Variants in BCLAF3 observed in about 807,000 individuals in gnomAD.
The protein encoded by BCLAF3 is transient octamer binding factor 1.
BCLAF3 carries 24 observed loss-of-function variants against 51.2 expected under a neutral mutation model. The ratio of observed to expected loss-of-function variants is 0.47; its 90% CI spans 0.34 to 0.66. BCLAF3 has a LOEUF of 0.66. Among genes scored for constraint, BCLAF3 ranks in the 30% least tolerant of loss-of-function variants. The probability of loss-of-function intolerance (pLI) is 0.01; values close to 1 mark genes in which losing one functional copy is unlikely to be tolerated. For missense variants in BCLAF3, 465 were observed against 525.1 expected (o/e 0.89, Z 1.12); for synonymous variants, 152 against 176.6 (o/e 0.86, Z 1.10).
intron 11 of BCLAF3, among the ~76,000 whole-genome samples, chrX:19,921,952 G>A (rs966173303): frequency 8.1e-5 from 9 of 110,749 alleles, no homozygotes; most frequent in African/African-American, 1.3e-4. Flanking sequence ...GCAGTGAGCC[G>A]AGATCATGCC....
Position 19,932,207 on chromosome X carries a change from G to A in BCLAF3, c.1951-2267C>T, listed in dbSNP as rs192397577. Among the ~76,000 whole-genome samples the A allele has an allele frequency of 2.8e-3, 315 of 112,040 alleles. 2 individuals are homozygous for A. The highest frequency in any genetic ancestry group is 3.1e-3 in the Non-Finnish European group (163 of 53,244). Reference sequence around the variant, plus strand: ...CAATTTTCTCAAGTAAAAAGGAAAAGACAACCTAGTTACATGTAAATGTTT... The same window carrying A: ...CAATTTTCTCAAGTAAAAAGGAAAAAACAACCTAGTTACATGTAAATGTTT... On this transcript the variant is annotated intron_variant, in intron 10 of 11. Transcript: ENST00000379682.
Position 19,917,307 on chromosome X carries a change from A to C in BCLAF3, c.2134T>G (p.Ter712GluextTer25). 1 of 1,202,051 alleles carries C rather than the reference A, an allele frequency of 8.3e-7. No homozygotes were observed. Among genetic ancestry groups the C allele is most frequent in the Non-Finnish European group, 1.1e-6 (1 of 887,803 alleles). ...KEYTDVATGI[*>E] ...ATTTCCATTTGTACGATTTCAGATT[A>C]GATTCCTGTGGCAACATCTGTATAT... The change falls in exon 12 of 12, where the codon TAA (stop) becomes GAA (glutamate). Residue 712 changes from the stop codon to glutamate (E), a stop_lost. Coordinates refer to ENST00000379682, the MANE Select transcript of BCLAF3 (RefSeq NM_001367774.2).
At chrX:19,980,781 T>C (rs1303816647) in intron 1 of BCLAF3, among the ~76,000 whole-genome samples, 1 of 108,986 alleles carries the variant, frequency 9.2e-6, no homozygotes, top group East Asian at 2.9e-4. Flanking sequence ...CTACTAAAAA[T>C]ACAAAAAATT....
intron 7 of BCLAF3, 58 bp from the exon 8 acceptor site, chrX:19,950,926 A>G: frequency 1.3e-6 from 1 of 791,131 alleles, no homozygotes; most frequent in Non-Finnish European, 1.9e-6. Flanking sequence ...CACAAAGACC[A>G]TATCTAACAA....
intron 1 of BCLAF3, among the ~76,000 whole-genome samples, chrX:19,980,275 T>G (rs1386959866): frequency 3.6e-5 from 4 of 111,734 alleles, no homozygotes; most frequent in Admixed American, 2.9e-4. Context: ...ATAAATAACT[T>G]AAAAGTCCAA....
At chrX:19,969,507 T>C (rs1346209610) in intron 2 of BCLAF3, among the ~76,000 whole-genome samples, 1 of 112,384 alleles carries the variant, frequency 8.9e-6, no homozygotes, top group Non-Finnish European at 1.9e-5. Context: ...AAAATTGTTT[T>C]CATCTCTTCT....
intron 11 of BCLAF3, among the ~76,000 whole-genome samples, chrX:19,926,198 T>A (rs1207565177): frequency 9.1e-6 from 1 of 110,406 alleles, no homozygotes; most frequent in East Asian, 2.8e-4. Context: ...GACACTAATT[T>A]AAAAAAAAAT....
At chrX:19,975,493 G>A (rs776324898) in intron 1 of BCLAF3, among the ~76,000 whole-genome samples, 18 of 110,335 alleles carry the variant, frequency 1.6e-4, no homozygotes, top group Non-Finnish European at 2.5e-4. Context: ...ACAGGTGTGC[G>A]CCACCACACC....
chrX:19,977,624 A>G (rs776197687), intron 1 of BCLAF3, among the ~76,000 whole-genome samples: 30 of 112,749 alleles, frequency 2.7e-4, no homozygotes, highest in African/African-American at 9.3e-4. Context: ...CATAACATAA[A>G]AGGGCAAAGT....
chrX:19,965,582 G>A lies in BCLAF3; in HGVS notation c.736C>T (p.Pro246Ser). The change falls in exon 4 of 12, where the codon CCT becomes TCT. Residue 246 changes from proline (P) to serine (S), a missense_variant. Physicochemically the swap from Pro to Ser is moderately conservative, Grantham distance 74. Coordinates refer to ENST00000379682, the MANE Select transcript of BCLAF3 (RefSeq NM_001367774.2). ...CACTGGTCTGTGTCCTCTTGGTAAGGTGGGAGGGAATGCTCAGGCTTCCAC... is the reference window on the plus strand; with the variant it reads ...CACTGGTCTGTGTCCTCTTGGTAAGATGGGAGGGAATGCTCAGGCTTCCAC... ...PKWKPEHSLP[P>S]YQEDTDQWNL... 1 of 1,191,916 alleles carries A rather than the reference G, an allele frequency of 8.4e-7. No homozygotes were observed. The highest frequency in any genetic ancestry group is 1.9e-5 in the South Asian group (1 of 53,075).
chrX:19,922,652 C>A (rs1280088747), intron 11 of BCLAF3, among the ~76,000 whole-genome samples: 1 of 111,497 alleles, frequency 9.0e-6, no homozygotes, highest in Non-Finnish European at 1.9e-5. Flanking sequence ...AATCCCAGCA[C>A]TTTGGGAGGC....
At position 19,912,895 on chromosome X, in the gene BCLAF3, TACA is replaced by T. The variant is rs775776954; in HGVS notation, c.*4407_*4409del. The T allele has an allele frequency of 9.0e-6, 1 of 111,147 alleles. No homozygotes were observed. The highest frequency in any genetic ancestry group is 9.6e-5 in the Admixed American group (1 of 10,393). 9.2% of individuals were successfully genotyped at this position (111,147 alleles called of 1,213,427 possible). ...GAAAGACTTTATTTTATAAAAATGA[TACA>T]ACATTCATTATATTTGATAGATACA... On this transcript the variant is annotated 3_prime_UTR_variant, in exon 12 of 12. Transcript: ENST00000379682.
At chrX:19,951,407 C>A (rs981957893) in intron 7 of BCLAF3, among the ~76,000 whole-genome samples, 30 of 103,659 alleles carry the variant, frequency 2.9e-4, no homozygotes, top group African/African-American at 1.1e-3. Flanking sequence ...ACCAGCCTGG[C>A]CAACATAGTA....
At position 19,966,495 on chromosome X, in the gene BCLAF3, G is replaced by A. The variant is rs772915174; in HGVS notation, c.196C>T (p.Arg66Cys). The change falls in exon 3 of 12, where the codon CGT (arginine) becomes TGT (cysteine). Residue 66 changes from arginine (R) to cysteine (C), a missense_variant. By Grantham distance (180) the Arg-to-Cys change is radical. Transcript: ENST00000379682. ...TAAGACTGGTAATATATATTTCCAC[G>A]AGAGGGAATCCTTGGTTTACTCTGT... ...HGQSKPRIPS[R>C]GNIYYQSYEH... The A allele has an allele frequency of 1.8e-5, 22 of 1,208,988 alleles. No homozygotes were observed. The highest frequency in any genetic ancestry group is 1.8e-5 in the South Asian group (1 of 56,798).
intron 1 of BCLAF3, among the ~76,000 whole-genome samples, chrX:19,983,512 A>T (rs927237220): frequency 5.7e-5 from 6 of 105,100 alleles, no homozygotes; most frequent in African/African-American, 2.1e-4. Context: ...AGGTCAGAAG[A>T]CAAGGCCGGC....
rs929345802 is a variant in BCLAF3, at chrX:19,915,331, G to A, written c.*1974C>T. 5 of 111,604 alleles carry A rather than the reference G, an allele frequency of 4.5e-5. No homozygotes were observed. Among genetic ancestry groups the A allele is most frequent in the Non-Finnish European group, 9.4e-5 (5 of 53,102 alleles). The allele number at this position is 111,604 out of a possible 1,213,427, so 9.2% of individuals were successfully genotyped here. A position where few individuals can be genotyped will look rare whatever the true frequency, so the allele number is the denominator to read the frequency against. On this transcript the variant is annotated 3_prime_UTR_variant, in exon 12 of 12. Transcript: ENST00000379682. ...GTCAAATAGGAAGCTGGGTGCTGGG[G>A]ATACTATGGTGGACAAGACAGACAC...
chrX:19,921,474 C>G (rs2070155171), intron 11 of BCLAF3, among the ~76,000 whole-genome samples: 2 of 112,179 alleles, frequency 1.8e-5, no homozygotes, highest in African/African-American at 6.5e-5. Context: ...GAGGCCAAGG[C>G]AGGCAGATCA....
At chrX:19,936,371 G>C (rs1306097229) in intron 9 of BCLAF3, among the ~76,000 whole-genome samples, 1 of 111,898 alleles carries the variant, frequency 8.9e-6, no homozygotes, top group East Asian at 2.8e-4. Context: ...AAAAGTACCA[G>C]AAATAAAAGA....
chrX:19,939,650 G>T (rs2070922744), intron 8 of BCLAF3, among the ~76,000 whole-genome samples: 1 of 111,778 alleles, frequency 8.9e-6, no homozygotes, highest in Non-Finnish European at 1.9e-5. Flanking sequence ...TAGCCAAAGG[G>T]TGAAAGCAAT....
Sources: gnomAD v4.1 joint callset for allele counts (sites outside exome capture counted in the v4.1 genomes callset) on GRCh38, gnomAD v4.1.1 for gene constraint, MANE v1.5 for transcripts, NCBI Gene and HGNC (gene_info 2026-07-23, HGNC 2026-07-21) for gene names.